Variants in LGSN observed in about 807,000 individuals in gnomAD.
The protein encoded by LGSN is lengsin.
A neutral mutation model predicts 19.5 loss-of-function variants in LGSN; 21 were observed. The observed-to-expected ratio is 1.07, with a 90% CI of 0.76 to 1.55. The LOEUF (loss-of-function observed/expected upper bound fraction) is 1.55. Among genes scored for constraint, LGSN ranks in the 40% most tolerant of loss-of-function variants. LGSN has a pLI of 0.00. For missense variants in LGSN, 673 were observed against 608.5 expected (o/e 1.11, Z -1.12); for synonymous variants, 257 against 215.6 (o/e 1.19, Z -1.68).
the LGSN span, among the ~76,000 whole-genome samples, chr6:63,464,998 C>G: frequency 6.7e-6 from 1 of 148,878 alleles, no homozygotes; most frequent in Non-Finnish European, 1.5e-5. Flanking sequence ...TGCACTATAG[C>G]CTGGGTGACA....
intron 3 of LGSN, 115 bp from the exon 4 acceptor site, chr6:63,281,335 A>AAT (rs35245094): frequency 1.5e-4 from 21 of 144,196 alleles, no homozygotes; most frequent in African/African-American, 3.8e-4. Context: ...ATATATAATA[A>AAT]ATATATATAT....
the LGSN span, among the ~76,000 whole-genome samples, chr6:63,390,101 A>ACTTT: frequency 5.2e-3 from 699 of 133,624 alleles, 22 homozygotes; most frequent in African/African-American, 0.018. Context: ...GTATTTGGAC[A>ACTTT]CTTTCTTTCT....
the LGSN span, among the ~76,000 whole-genome samples, chr6:63,493,483 C>T: frequency 2.0e-4 from 31 of 151,510 alleles, no homozygotes; most frequent in Middle Eastern, 3.4e-3. Flanking sequence ...GCAGGACTGT[C>T]CAGATGTTCA....
chr6:63,531,534 T>G, the LGSN span, among the ~76,000 whole-genome samples: 2 of 146,716 alleles, frequency 1.4e-5, no homozygotes, highest in Non-Finnish European at 3.0e-5. Flanking sequence ...TTTTTTTTTG[T>G]AAATGCAGTG....
rs1284836368 is a variant in LGSN, at chr6:63,280,918, G to T, written c.633C>A (p.Cys211Ter). ...SLLSAFIYDF[C>*]IFGVPEILNS... ...TTAAAATTTCGGGCACACCAAAAATGCAAAAATCATAGATGAAAGCAGAAA... is the reference window on the plus strand; with the variant it reads ...TTAAAATTTCGGGCACACCAAAAATTCAAAAATCATAGATGAAAGCAGAAA... The change falls in exon 4 of 4, where the codon TGC (cysteine) becomes TGA (stop). Residue 211 changes from cysteine to a stop codon, truncating the protein, a stop_gained. Coordinates refer to ENST00000370657, the MANE Select transcript of LGSN (RefSeq NM_016571.3). LOFTEE classifies it low-confidence loss of function (END_TRUNC). The T allele has an allele frequency of 6.2e-7, 1 of 1,614,028 alleles. No homozygotes were observed. The highest frequency in any genetic ancestry group is 8.5e-7 in the Non-Finnish European group (1 of 1,179,998).
chr6:63,416,381 C>T, the LGSN span, among the ~76,000 whole-genome samples: 6 of 152,160 alleles, frequency 3.9e-5, no homozygotes, highest in East Asian at 1.2e-3. Flanking sequence ...CTTTGATATC[C>T]TGTATCACAT....
chr6:63,412,772 G>GAAAGAAAGAAAGAGAAAGAAAGA, the LGSN span, among the ~76,000 whole-genome samples: 118 of 41,182 alleles, frequency 2.9e-3, 12 homozygotes, highest in African/African-American at 8.7e-3. Context: ...AGAAAGAAAG[G>GAAAGAAAGAAAGAGAAAGAAAGA]AAGGAAGGGA....
At chr6:63,504,040 T>C in the LGSN span, among the ~76,000 whole-genome samples, 1 of 152,164 alleles carries the variant, frequency 6.6e-6, no homozygotes, top group African/African-American at 2.4e-5. Flanking sequence ...GAAAGAGAAA[T>C]GAATGCTGAA....
chr6:63,330,890 C>T, the LGSN span, among the ~76,000 whole-genome samples: 448 of 152,288 alleles, frequency 2.9e-3, 3 homozygotes, highest in African/African-American at 0.01. Context: ...GCATGACATC[C>T]CTCCAAGCGA....
At chr6:63,409,379 A>G in the LGSN span, among the ~76,000 whole-genome samples, 9 of 152,210 alleles carry the variant, frequency 5.9e-5, no homozygotes, top group Non-Finnish European at 1.2e-4. Context: ...TTTTACATAT[A>G]TCTAAACTTC....
At chr6:63,412,956 AAG>A in the LGSN span, among the ~76,000 whole-genome samples, 2 of 151,966 alleles carry the variant, frequency 1.3e-5, no homozygotes, top group African/African-American at 4.8e-5. Context: ...GAAGGAAAGA[AAG>A]AGAAAAGAAA....
the LGSN span, among the ~76,000 whole-genome samples, chr6:63,465,569 T>G: frequency 6.6e-6 from 1 of 152,196 alleles, no homozygotes; most frequent in African/African-American, 2.4e-5. Context: ...ACTAGGAAAT[T>G]CAGTGAATAC....
At chr6:63,329,476 C>T in the LGSN span, among the ~76,000 whole-genome samples, 1 of 152,188 alleles carries the variant, frequency 6.6e-6, no homozygotes, top group African/African-American at 2.4e-5. Flanking sequence ...TTTGTACTCC[C>T]AGAATTGGGG....
chr6:63,556,972 A>G, the LGSN span, among the ~76,000 whole-genome samples: 1 of 152,186 alleles, frequency 6.6e-6, no homozygotes, highest in Non-Finnish European at 1.5e-5. Context: ...TTGTCTACCA[A>G]ACACTAGCGC....
chr6:63,534,261 C>T, the LGSN span, among the ~76,000 whole-genome samples: 40 of 152,202 alleles, frequency 2.6e-4, no homozygotes, highest in African/African-American at 9.6e-4. Flanking sequence ...AACAGTGTAA[C>T]TGGAAGGAAA....
At chr6:63,441,317 C>T in the LGSN span, 1 of 468,978 alleles carries the variant, frequency 2.1e-6, no homozygotes, top group Non-Finnish European at 4.3e-6. Context: ...CAGACTTGGG[C>T]CGTTTGGTCA....
At chr6:63,383,899 C>T in the LGSN span, among the ~76,000 whole-genome samples, 1 of 152,148 alleles carries the variant, frequency 6.6e-6, no homozygotes, top group African/African-American at 2.4e-5. Flanking sequence ...TATTGAGCCA[C>T]CCTTTCAAAC....
the LGSN span, among the ~76,000 whole-genome samples, chr6:63,326,699 C>T: frequency 6.6e-6 from 1 of 152,230 alleles, no homozygotes; most frequent in Admixed American, 6.5e-5. Context: ...GGCCTGGGTG[C>T]TAAGCCCCTC....
At chr6:63,476,805 G>A in the LGSN span, among the ~76,000 whole-genome samples, 2 of 152,318 alleles carry the variant, frequency 1.3e-5, no homozygotes, top group Admixed American at 1.3e-4. Flanking sequence ...GCTATGACTA[G>A]CCTAGATTCA....
Sources: allele counts gnomAD v4.1 joint callset (sites outside exome capture counted in the v4.1 genomes callset), GRCh38; gene constraint gnomAD v4.1.1; transcripts MANE v1.5; gene names NCBI Gene and HGNC (gene_info 2026-07-23, HGNC 2026-07-21).